The following CYB5B variants were observed in gnomAD, a reference collection of about 807,000 sequenced individuals.
CYB5B encodes the protein cytochrome b5 type B.
Under a neutral mutation model 21.3 loss-of-function variants are expected in CYB5B, and 14 were observed. The ratio of observed to expected loss-of-function variants is 0.66; its 90% CI spans 0.43 to 1.03. CYB5B has a LOEUF of 1.03. Ranked by LOEUF, CYB5B falls within the 50% of genes least tolerant of loss-of-function variation. The probability of loss-of-function intolerance (pLI) is 0.00; values close to 1 mark genes in which losing one functional copy is unlikely to be tolerated. For missense variants in CYB5B, 166 were observed against 185.1 expected, an observed-to-expected ratio of 0.90 and a Z score of 0.60; for synonymous variants, 69 against 68.4, an observed-to-expected ratio of 1.01 and a Z score of -0.04.
chr16:69,426,126 G>A (rs1186012957), intron 1 of CYB5B, among the ~76,000 whole-genome samples: 1 of 152,170 alleles, frequency 6.6e-6, no homozygotes. Context: ...CCGGTCGGGC[G>A]CGGTGGCTCA....
intron 4 of CYB5B, among the ~76,000 whole-genome samples, chr16:69,461,138 G>A (rs889817862): frequency 6.6e-6 from 1 of 152,012 alleles, no homozygotes; most frequent in South Asian, 2.1e-4. Context: ...CCCAGAGGTG[G>A]AGCTTGCAGT....
intron 3 of CYB5B, among the ~76,000 whole-genome samples, chr16:69,454,707 A>G (rs2142825543): frequency 6.6e-6 from 1 of 152,338 alleles, no homozygotes; most frequent in African/African-American, 2.4e-5. Flanking sequence ...ACATTTGCCA[A>G]AGGTGTCCTG....
chr16:69,464,317 T>C lies in CYB5B; in HGVS notation c.*1797T>C, dbSNP rs1056385026. 1.3e-5 allele frequency: 2 copies of C among 152,248 alleles called. No individual in the cohort carries two copies. The highest frequency in any genetic ancestry group is 2.9e-5 in the Non-Finnish European group (2 of 68,034). The allele number at this position is 152,248 out of a possible 1,614,324, so 9.4% of individuals were successfully genotyped here. A position where few individuals can be genotyped will look rare whatever the true frequency, so the allele number is the denominator to read the frequency against. On this transcript the variant is annotated 3_prime_UTR_variant, in exon 5 of 5. Transcript: ENST00000307892. The stretch of plus-strand genomic sequence containing the variant: ...ACTTTTATTATCAGGGATATGGGTT[T>C]AGTAAAGCTTTTATCTTTAGAAAAA...
At chr16:69,459,856 T>C (rs1244142896) in intron 4 of CYB5B, among the ~76,000 whole-genome samples, 2 of 152,196 alleles carry the variant, frequency 1.3e-5, no homozygotes, top group Non-Finnish European at 2.9e-5. Flanking sequence ...AAACTATTAG[T>C]AAATTTAGTT....
At chr16:69,457,039 G>A (rs1174322897) in intron 3 of CYB5B, among the ~76,000 whole-genome samples, 1 of 152,176 alleles carries the variant, frequency 6.6e-6, no homozygotes, top group Non-Finnish European at 1.5e-5. Flanking sequence ...GGTTAGACAG[G>A]TTGGTCTTTT....
intron 3 of CYB5B, among the ~76,000 whole-genome samples, chr16:69,455,295 T>C (rs1312882204): frequency 1.3e-5 from 2 of 152,202 alleles, no homozygotes; most frequent in Non-Finnish European, 1.5e-5. Context: ...GTGTGTGCTC[T>C]TCTCTCATGT....
chr16:69,449,515 A>T (rs2014912025), intron 3 of CYB5B: 1 of 152,228 alleles, frequency 6.6e-6, no homozygotes, highest in East Asian at 1.9e-4. Context: ...CAATAGAAAA[A>T]ATATGTTTGC....
intron 1 of CYB5B, among the ~76,000 whole-genome samples, chr16:69,429,211 G>T (rs1032483588): frequency 1.3e-5 from 2 of 152,126 alleles, no homozygotes; most frequent in African/African-American, 4.8e-5. Context: ...CTTAAAGGTG[G>T]CACAGACCCA....
intron 1 of CYB5B, among the ~76,000 whole-genome samples, chr16:69,437,271 T>C (rs1024231501): frequency 9.3e-5 from 14 of 149,866 alleles, no homozygotes; most frequent in African/African-American, 3.6e-4. Flanking sequence ...AATATTAATA[T>C]TAAGTAGACA....
chr16:69,435,699 G>A (rs1440070254), intron 1 of CYB5B, among the ~76,000 whole-genome samples: 3 of 152,030 alleles, frequency 2.0e-5, no homozygotes, highest in Non-Finnish European at 4.4e-5. Context: ...GTGCAGTGGC[G>A]CGGTCTCAGC....
At position 69,463,624 on chromosome 16, in the gene CYB5B, G is replaced by A. The variant is rs569901425; in HGVS notation, c.*1104G>A. On this transcript the variant is annotated 3_prime_UTR_variant, in exon 5 of 5. Transcript: ENST00000307892. ...TTGATTCTCCATTTTCCAAAAGTAA[G>A]AGACTCCAGCATGGCCTTCTGTTTG... 7.2e-5 allele frequency: 11 copies of A among 152,240 alleles called. No individual in the cohort carries two copies. Among genetic ancestry groups the A allele is most frequent in the Admixed American group, 3.9e-4 (6 of 15,280 alleles). The allele number at this position is 152,240 out of a possible 1,614,324, so 9.4% of individuals were successfully genotyped here. A position where few individuals can be genotyped will look rare whatever the true frequency, so the allele number is the denominator to read the frequency against.
chr16:69,429,335 C>T (rs1820778727), intron 1 of CYB5B, among the ~76,000 whole-genome samples: 2 of 152,106 alleles, frequency 1.3e-5, no homozygotes, highest in South Asian at 4.1e-4. Flanking sequence ...GCTTTTATTC[C>T]CTTATTTGTC....
rs1442256201 is a variant in CYB5B, at chr16:69,464,391, A to G, written c.*1871A>G. On this transcript the variant is annotated 3_prime_UTR_variant, in exon 5 of 5. Coordinates refer to ENST00000307892, the MANE Select transcript of CYB5B (RefSeq NM_030579.3). ...TACTTTTAAGACAATATTGAAAAAAACTTTGGTTATTATTTAACAAAAGTG... is the reference window on the plus strand; with the variant it reads ...TACTTTTAAGACAATATTGAAAAAAGCTTTGGTTATTATTTAACAAAAGTG... The G allele has an allele frequency of 1.3e-5, 2 of 152,230 alleles. No homozygotes were observed. The highest frequency in any genetic ancestry group is 4.8e-5 in the African/African-American group (2 of 41,456). The allele number at this position is 152,230 out of a possible 1,614,324, so 9.4% of individuals were successfully genotyped here. A position where few individuals can be genotyped will look rare whatever the true frequency, so the allele number is the denominator to read the frequency against.
At chr16:69,444,414 C>G (rs566351354) in intron 1 of CYB5B, 1 of 152,332 alleles carries the variant, frequency 6.6e-6, no homozygotes, top group Non-Finnish European at 1.5e-5. Flanking sequence ...GGCCAGGACC[C>G]TGCTATAGCC....
At chr16:69,428,977 C>T (rs1230069332) in intron 1 of CYB5B, among the ~76,000 whole-genome samples, 1 of 152,168 alleles carries the variant, frequency 6.6e-6, no homozygotes, top group East Asian at 1.9e-4. Flanking sequence ...TCATGTACAA[C>T]TTCACAGGTT....
At chr16:69,452,431 A>T (rs1182388854) in intron 3 of CYB5B, among the ~76,000 whole-genome samples, 1 of 152,114 alleles carries the variant, frequency 6.6e-6, no homozygotes, top group Admixed American at 6.6e-5. Context: ...CTGTAGTCCC[A>T]GCACTTTGGG....
intron 1 of CYB5B, among the ~76,000 whole-genome samples, chr16:69,437,163 C>G (rs533417580): frequency 1.3e-5 from 2 of 152,144 alleles, no homozygotes; most frequent in East Asian, 3.8e-4. Flanking sequence ...ATGAATAGAT[C>G]ACAATCATTG....
Position 69,464,915 on chromosome 16 carries a change from T to G in CYB5B, c.*2395T>G, listed in dbSNP as rs1202801881. 1.3e-5 allele frequency: 2 copies of G among 152,648 alleles called. No individual in the cohort carries two copies. The highest frequency in any genetic ancestry group is 2.9e-5 in the Non-Finnish European group (2 of 68,046). The allele number at this position is 152,648 out of a possible 1,614,324, so 9.5% of individuals were successfully genotyped here. A position where few individuals can be genotyped will look rare whatever the true frequency, so the allele number is the denominator to read the frequency against. Reference sequence around the variant, plus strand: ...TCTGGAAAATCACTTTGGGGTCCATTTACTGTTATTTTGTTGCCTACAAAA... The same window carrying G: ...TCTGGAAAATCACTTTGGGGTCCATGTACTGTTATTTTGTTGCCTACAAAA... On this transcript the variant is annotated 3_prime_UTR_variant, in exon 5 of 5. Coordinates refer to ENST00000307892, the MANE Select transcript of CYB5B (RefSeq NM_030579.3).
At chr16:69,442,975 G>A (rs1490433608) in intron 1 of CYB5B, among the ~76,000 whole-genome samples, 1 of 151,472 alleles carries the variant, frequency 6.6e-6, no homozygotes, top group African/African-American at 2.4e-5. Context: ...TTGTGACAGA[G>A]CTTCACTGTA....
Sources: gnomAD v4.1 joint callset for allele counts (sites outside exome capture counted in the v4.1 genomes callset) on GRCh38, gnomAD v4.1.1 for gene constraint, MANE v1.5 for transcripts, NCBI Gene and HGNC (gene_info 2026-07-23, HGNC 2026-07-21) for gene names.